The following INS variants were observed in gnomAD, a reference collection of about 807,000 sequenced individuals.
INS encodes the protein preproinsulin.
INS carries 6 observed loss-of-function variants against 10.5 expected under a neutral mutation model. The ratio of observed to expected loss-of-function variants is 0.57; its 90% CI spans 0.31 to 1.13. The LOEUF (loss-of-function observed/expected upper bound fraction) is 1.13, where lower values mean the gene tolerates loss of function less well. INS is among the 50% of genes most tolerant of loss of function. The probability of loss-of-function intolerance (pLI) is 0.05; values close to 1 mark genes in which losing one functional copy is unlikely to be tolerated. For synonymous variants in INS, 71 were observed against 62.7 expected, an observed-to-expected ratio of 1.13 and a Z score of -0.63; for missense variants, 109 against 138.6, an observed-to-expected ratio of 0.79 and a Z score of 1.07.
intron 2 of INS, among the ~76,000 whole-genome samples, chr11:2,160,447 T>C (rs1845861717): frequency 6.6e-6 from 1 of 152,172 alleles, no homozygotes; most frequent in African/African-American, 2.4e-5. Context: ...CCCAGGACTT[T>C]ACTTAACAAA....
chr11:2,159,953 G>C lies in INS; in HGVS notation c.232C>G (p.Gln78Glu), dbSNP rs1277291974. 1.3e-6 allele frequency: 2 copies of C among 1,594,658 alleles called. No individual in the cohort carries two copies. The highest frequency in any genetic ancestry group is 8.5e-7 in the Non-Finnish European group (1 of 1,172,408). The change falls in exon 3 of 3, where the codon CAG (glutamine) becomes GAG (glutamate). Residue 78 changes from glutamine to glutamate, a missense_variant. This residue lies in a region of INS where 108 missense variants were observed against 118.0 expected (regional missense o/e 0.92). Transcript: ENST00000381330. ...LGGGPGAGSL[Q>E]PLALEGSLQK... ...AGGGACCCCTCCAGGGCCAAGGGCT[G>C]CAGGCTGCCTGCACCAGGGCCCCCG...
rs767089366 is a variant in INS, at chr11:2,159,812, T to G, written c.*40A>C. On this transcript the variant is annotated 3_prime_UTR_variant, in exon 3 of 3. Coordinates refer to ENST00000381330, the MANE Select transcript of INS (RefSeq NM_000207.3). ...AAGGGCTTTATTCCATCTCTCTCGG[T>G]GCAGGAGGCGGCGGGTGTGGGGCTG... 6.2e-7 allele frequency: 1 copy of G among 1,604,416 alleles called. No homozygotes were observed. The highest frequency in any genetic ancestry group is 2.2e-5 in the East Asian group (1 of 44,642).
chr11:2,161,059 C>G (rs973848108), intron 1 of INS, 71 bp from the exon 2 acceptor site: 187 of 1,519,102 alleles, frequency 1.2e-4, no homozygotes, highest in Non-Finnish European at 1.6e-4. Context: ...GGCTCACCCC[C>G]ACATGCTTCA....
Sources: gnomAD v4.1 joint callset for allele counts (sites outside exome capture counted in the v4.1 genomes callset) on GRCh38, gnomAD v4.1.1 for gene constraint, gnomAD v4.1.1 regional missense constraint, MANE v1.5 for transcripts, NCBI Gene and HGNC (gene_info 2026-07-23, HGNC 2026-07-21) for gene names.